The following KLRG1 variants were observed in gnomAD, a reference collection of about 807,000 sequenced individuals.
KLRG1 encodes the protein killer cell lectin-like receptor subfamily G member 1.
In KLRG1, 16 loss-of-function variants were observed where a neutral mutation model predicts 21.8. The observed-to-expected ratio is 0.73, with a 90% CI of 0.50 to 1.11. The LOEUF (loss-of-function observed/expected upper bound fraction) is 1.11. Ranked by LOEUF, KLRG1 falls within the 50% of genes most tolerant of loss-of-function variation. The pLI is 0.00. For missense variants in KLRG1, 173 were observed against 218.3 expected (o/e 0.79, Z 1.31); for synonymous variants, 69 against 75.9 (o/e 0.91, Z 0.47).
At chr12:9,021,086 G>A in the KLRG1 span, among the ~76,000 whole-genome samples, 1 of 152,088 alleles carries the variant, frequency 6.6e-6, no homozygotes, top group Non-Finnish European at 1.5e-5. Flanking sequence ...GTAAAATACA[G>A]TATAAAAGAT....
intron 1 of KLRG1, among the ~76,000 whole-genome samples, chr12:8,976,548 A>C (rs1946660202): frequency 6.6e-6 from 1 of 152,114 alleles, no homozygotes; most frequent in Non-Finnish European, 1.5e-5. Context: ...TTCATTACTG[A>C]AAGTGGGGGT....
the KLRG1 span, among the ~76,000 whole-genome samples, chr12:9,103,848 A>G: frequency 6.6e-6 from 1 of 152,186 alleles, no homozygotes; most frequent in South Asian, 2.1e-4. Flanking sequence ...TCTCTCAGCT[A>G]TTGTGAATAG....
At chr12:9,131,639 C>G in the KLRG1 span, among the ~76,000 whole-genome samples, 11 of 152,020 alleles carry the variant, frequency 7.2e-5, no homozygotes, top group Non-Finnish European at 1.3e-4. Context: ...GTGCCTAGAA[C>G]AGTACCTAGC....
chr12:9,072,259 T>G, the KLRG1 span: 1 of 1,388,668 alleles, frequency 7.2e-7, no homozygotes, highest in Non-Finnish European at 9.9e-7. Context: ...TTGTGAATAG[T>G]GCAAATATCT....
At chr12:9,173,614 C>A in the KLRG1 span, among the ~76,000 whole-genome samples, 1 of 152,156 alleles carries the variant, frequency 6.6e-6, no homozygotes, top group African/African-American at 2.4e-5. Flanking sequence ...AGAAAAGAAT[C>A]AAGTAGACAC....
At chr12:9,153,112 C>T in the KLRG1 span, 3 of 1,613,378 alleles carry the variant, frequency 1.9e-6, no homozygotes, top group South Asian at 2.2e-5. Context: ...CCCATATAAG[C>T]TTGGAGCCCT....
chr12:9,067,304 G>T, the KLRG1 span: 23,504 of 160,352 alleles, frequency 0.15, 1,832 homozygotes, highest in African/African-American at 0.18. Flanking sequence ...GCAGATTTTG[G>T]TGTAACATAG....
At chr12:9,061,608 G>A in the KLRG1 span, among the ~76,000 whole-genome samples, 3 of 152,072 alleles carry the variant, frequency 2.0e-5, no homozygotes, top group Admixed American at 6.5e-5. Context: ...GAGCCCAGGA[G>A]TTTGAGACCA....
At chr12:9,114,687 A>G in the KLRG1 span, among the ~76,000 whole-genome samples, 78 of 151,524 alleles carry the variant, frequency 5.1e-4, no homozygotes, top group Middle Eastern at 0.014. Context: ...ACATATACGT[A>G]TGTATACTTA....
At chr12:9,164,302 G>A in the KLRG1 span, 1 of 1,589,188 alleles carries the variant, frequency 6.3e-7, no homozygotes, top group Non-Finnish European at 8.6e-7. Context: ...ATCAGAATAT[G>A]GAACGACACG....
At chr12:9,053,087 G>A in the KLRG1 span, among the ~76,000 whole-genome samples, 1 of 152,174 alleles carries the variant, frequency 6.6e-6, no homozygotes, top group Non-Finnish European at 1.5e-5. Flanking sequence ...CCATGTCTGT[G>A]TGGGTTTCCT....
chr12:9,201,029 T>C, the KLRG1 span: 1 of 1,614,100 alleles, frequency 6.2e-7, no homozygotes, highest in Middle Eastern at 1.6e-4. Flanking sequence ...CTTGAGACTC[T>C]GCCATTGTGC....
chr12:9,139,271 TG>T, the KLRG1 span, among the ~76,000 whole-genome samples: 2 of 152,174 alleles, frequency 1.3e-5, no homozygotes, highest in African/African-American at 4.8e-5. Flanking sequence ...AGTTTAATTT[TG>T]TTGTGGCCAG....
At chr12:9,203,790 A>T in the KLRG1 span, 1 of 1,614,108 alleles carries the variant, frequency 6.2e-7, no homozygotes, top group Non-Finnish European at 8.5e-7. Flanking sequence ...ACAGTGGAAT[A>T]AGTCCTTCTC....
chr12:9,189,410 A>G, the KLRG1 span, among the ~76,000 whole-genome samples: 6 of 152,242 alleles, frequency 3.9e-5, no homozygotes, highest in African/African-American at 1.2e-4. Context: ...CCTATTCAAT[A>G]AATGGTGCTG....
the KLRG1 span, among the ~76,000 whole-genome samples, chr12:9,177,824 A>G: frequency 6.6e-6 from 1 of 152,210 alleles, no homozygotes. Flanking sequence ...GACTAAAAGG[A>G]ATAAGACAGA....
chr12:9,070,722 G>T, the KLRG1 span: 2 of 612,464 alleles, frequency 3.3e-6, no homozygotes, highest in Non-Finnish European at 5.7e-6. Context: ...TGTAAAAGTG[G>T]TGTGCGTAGA....
At chr12:9,154,549 G>C in the KLRG1 span, 2 of 1,408,678 alleles carry the variant, frequency 1.4e-6, no homozygotes, top group East Asian at 2.3e-5. Flanking sequence ...TCCATTAACT[G>C]TTCTACTTTT....
At chr12:9,080,013 T>C in the KLRG1 span, 1 of 1,025,830 alleles carries the variant, frequency 9.7e-7, no homozygotes, top group African/African-American at 1.6e-5. Flanking sequence ...ATAGTATTAT[T>C]TTTAGTAAAT....
Sources: gnomAD v4.1 joint callset for allele counts (sites outside exome capture counted in the v4.1 genomes callset) on GRCh38, gnomAD v4.1.1 for gene constraint, MANE v1.5 for transcripts, NCBI Gene and HGNC (gene_info 2026-07-23, HGNC 2026-07-21) for gene names.